Variants in FAM153A observed in about 807,000 individuals in gnomAD.
The protein encoded by FAM153A is family with sequence similarity 153 member A, also known as protein FAM153A.
A neutral mutation model predicts 48.1 loss-of-function variants in FAM153A; 12 were observed. The observed-to-expected ratio is 0.25, with a 90% CI of 0.16 to 0.40. The LOEUF (loss-of-function observed/expected upper bound fraction) is 0.40. Among genes scored for constraint, FAM153A ranks in the 10% least tolerant of loss-of-function variants. FAM153A has a pLI of 1.00. For missense variants in FAM153A, 111 were observed against 345.8 expected (o/e 0.32, Z 5.38); for synonymous variants, 36 against 118.2 (o/e 0.30, Z 4.51).
chr5:177,752,967 G>T (rs1341800165), intron 1 of FAM153A, among the ~76,000 whole-genome samples: 1 of 145,850 alleles, frequency 6.9e-6, no homozygotes, highest in Non-Finnish European at 1.5e-5. Context: ...TGGAAACAGT[G>T]TATTTTCTAG....
At chr5:177,766,114 CA>C (rs1179260585) in intron 1 of FAM153A, among the ~76,000 whole-genome samples, 1 of 98,828 alleles carries the variant, frequency 1.0e-5, no homozygotes. Context: ...GAGACTGTCT[CA>C]AAAAAACAAA....
exon 27 of FAM153A, chr5:177,711,225 A>G (rs1234789864): frequency 6.6e-6 from 1 of 151,918 alleles, no homozygotes; most frequent in African/African-American, 2.4e-5. Context: ...TGAAAAGAAG[A>G]CATTGGTCTT....
At chr5:177,722,932 AGAG>A (rs1761407924), downstream of FAM153A, 1 of 148,036 alleles carries the variant, frequency 6.8e-6, no homozygotes, top group Non-Finnish European at 1.5e-5. Flanking sequence ...CTGGGCCCTA[AGAG>A]GAGCAGGAGG....
chr5:177,717,541 C>T (rs917382257), downstream of FAM153A, among the ~76,000 whole-genome samples: 115 of 151,154 alleles, frequency 7.6e-4, no homozygotes, highest in Non-Finnish European at 1.3e-4. Flanking sequence ...GCTTTGATGT[C>T]TCATCCCACA....
At chr5:177,716,994 T>C (rs1195042458) in intron 24 of FAM153A, among the ~76,000 whole-genome samples, 5 of 150,852 alleles carry the variant, frequency 3.3e-5, no homozygotes, top group Non-Finnish European at 5.9e-5. Context: ...TGTGTGTGTG[T>C]GTGTGTAGAG....
At chr5:177,734,748 A>G in intron 13 of FAM153A, 115 bp downstream of exon 15, 1 of 1,582,226 alleles carries the variant, frequency 6.3e-7, no homozygotes, top group South Asian at 1.1e-5. Context: ...ATTTCCCTCA[A>G]GGACACTGTG....
At position 177,739,792 on chromosome 5, in the gene FAM153A, C is replaced by T. The variant is rs369599561; in HGVS notation, c.467-122G>A. On this transcript the variant is annotated intron_variant, in intron 8 of 20. Coordinates refer to ENST00000614127, the Ensembl canonical transcript of FAM153A. ...GAAGGTTGGCTACCCCAGACGGAGCCGCAGGCCCTTTCTCCTTGGTGGTGC... is the reference window on the plus strand; with the variant it reads ...GAAGGTTGGCTACCCCAGACGGAGCTGCAGGCCCTTTCTCCTTGGTGGTGC... 177 of 123,014 alleles carry T rather than the reference C, an allele frequency of 1.4e-3. 18 individuals carry two copies. In the East Asian group the frequency reaches 0.029, roughly 20 times the overall value. The allele number at this position is 123,014 out of a possible 1,614,324, so 7.6% of individuals were successfully genotyped here. A position where few individuals can be genotyped will look rare whatever the true frequency, so the allele number is the denominator to read the frequency against.
intron 1 of FAM153A, among the ~76,000 whole-genome samples, chr5:177,768,926 A>AAAAAGGGTGAG (rs1768927521): frequency 9.6e-6 from 1 of 104,210 alleles, no homozygotes; most frequent in Non-Finnish European, 2.0e-5. Flanking sequence ...TCATCACAAG[A>AAAAAGGGTGAG]AAAAGGGTGA....
At chr5:177,704,925 C>G (rs1317421131), downstream of FAM153A, among the ~76,000 whole-genome samples, 1 of 150,974 alleles carries the variant, frequency 6.6e-6, no homozygotes, top group Non-Finnish European at 1.5e-5. Flanking sequence ...TGCTTGAACC[C>G]GGGAGGTGGA....
chr5:177,702,876 T>C, the FAM153A span, among the ~76,000 whole-genome samples: 3 of 151,918 alleles, frequency 2.0e-5, no homozygotes, highest in Non-Finnish European at 4.4e-5. Context: ...AGAGGATGTA[T>C]AGAAAAGCCT....
upstream of FAM153A, among the ~76,000 whole-genome samples, chr5:177,754,692 C>T: frequency 6.6e-6 from 1 of 151,892 alleles, no homozygotes; most frequent in Non-Finnish European, 1.5e-5. Context: ...ATTCGCTGTT[C>T]TGCAGCCTCC....
intron 1 of FAM153A, among the ~76,000 whole-genome samples, chr5:177,759,594 G>A (rs1213056011): frequency 1.3e-5 from 2 of 151,522 alleles, no homozygotes; most frequent in Non-Finnish European, 2.9e-5. Flanking sequence ...ACTGGATTAA[G>A]AAAATGTGGC....
At chr5:177,710,076 A>G (rs576951423), downstream of FAM153A, among the ~76,000 whole-genome samples, 31 of 149,826 alleles carry the variant, frequency 2.1e-4, no homozygotes, top group South Asian at 6.5e-3. Context: ...AATATAGTCA[A>G]TAACAAAGAT....
chr5:177,715,083 A>G (rs971390976), intron 25 of FAM153A, among the ~76,000 whole-genome samples: 32 of 140,724 alleles, frequency 2.3e-4, no homozygotes, highest in African/African-American at 7.8e-4. Flanking sequence ...GGATGTCAAC[A>G]AAACTGTTCT....
At chr5:177,716,724 G>A (rs1759876981) in intron 24 of FAM153A, among the ~76,000 whole-genome samples, 1 of 151,860 alleles carries the variant, frequency 6.6e-6, no homozygotes, top group Admixed American at 6.6e-5. Flanking sequence ...AATGGCCACA[G>A]ATTGACATAT....
chr5:177,695,983 C>T, the FAM153A span, among the ~76,000 whole-genome samples: 446 of 115,748 alleles, frequency 3.9e-3, 5 homozygotes, highest in Middle Eastern at 5.3e-3. Context: ...TCCCCACTTC[C>T]CAGACGGGGT....
At chr5:177,722,146 T>TTTTTG (rs1491368968), downstream of FAM153A, 59 of 139,846 alleles carry the variant, frequency 4.2e-4, no homozygotes, top group African/African-American at 1.6e-3. Flanking sequence ...TTTTTTTTTT[T>TTTTTG]GAGACAAAGT....
At chr5:177,709,132 AGAAAG>A (rs1758143000), downstream of FAM153A, among the ~76,000 whole-genome samples, 55 of 109,042 alleles carry the variant, frequency 5.0e-4, 2 homozygotes, top group African/African-American at 1.6e-3. Flanking sequence ...AAAAAAAAAA[AGAAAG>A]AAAAGCCTAG....
At chr5:177,709,679 T>TG (rs1383007710), downstream of FAM153A, among the ~76,000 whole-genome samples, 38 of 142,628 alleles carry the variant, frequency 2.7e-4, no homozygotes, top group Non-Finnish European at 3.7e-4. Context: ...TTTTTGTTTT[T>TG]TTTTTTTTTT....
Sources: allele counts gnomAD v4.1 joint callset (sites outside exome capture counted in the v4.1 genomes callset), GRCh38; gene constraint gnomAD v4.1.1; transcripts MANE v1.5; gene names NCBI Gene and HGNC (gene_info 2026-07-23, HGNC 2026-07-21).